The following PLEKHG1 variants were observed in gnomAD, a reference collection of about 807,000 sequenced individuals.
PLEKHG1 encodes the protein pleckstrin homology domain-containing family G member 1.
In PLEKHG1, 44 loss-of-function variants were observed where a neutral mutation model predicts 100.8. The observed-to-expected ratio is 0.44, with a 90% CI of 0.34 to 0.56. The LOEUF (loss-of-function observed/expected upper bound fraction) is 0.56. Ranked by LOEUF, PLEKHG1 falls within the 20% of genes least tolerant of loss-of-function variation. The pLI is 0.01. For synonymous variants in PLEKHG1, 640 were observed against 662.5 expected, an observed-to-expected ratio of 0.97 and a Z score of 0.52; for missense variants, 1,545 against 1,720.9, an observed-to-expected ratio of 0.90 and a Z score of 1.81.
chr6:150,765,364 G>A (rs759491800), intron 2 of PLEKHG1, among the ~76,000 whole-genome samples: 1 of 151,780 alleles, frequency 6.6e-6, no homozygotes, highest in Non-Finnish European at 1.5e-5. Context: ...ATGATGGCAC[G>A]TGCCTGCAAT....
chr6:150,756,224 A>G (rs1783833330), intron 2 of PLEKHG1, among the ~76,000 whole-genome samples: 2 of 152,068 alleles, frequency 1.3e-5, no homozygotes, highest in African/African-American at 4.8e-5. Flanking sequence ...ACATCCCATC[A>G]CTTTGGCCCA....
chr6:150,832,352 C>T, intron 15 of PLEKHG1, 147 bp downstream of exon 16: 2 of 660,924 alleles, frequency 3.0e-6, no homozygotes, highest in East Asian at 5.5e-5. Context: ...CAAAGCCATA[C>T]TGGCCTTTCT....
chr6:150,795,613 TCGG>T (rs1786279893), intron 4 of PLEKHG1, among the ~76,000 whole-genome samples: 2 of 151,364 alleles, frequency 1.3e-5, no homozygotes, highest in African/African-American at 4.9e-5. Context: ...TCCCAGCTAC[TCGG>T]GAGGCTGAGG....
chr6:150,823,333 T>C (rs1299727334), intron 13 of PLEKHG1, among the ~76,000 whole-genome samples: 2 of 152,244 alleles, frequency 1.3e-5, no homozygotes, highest in Admixed American at 6.5e-5. Context: ...GCATGGGGCA[T>C]GTGCAATTTC....
intron 3 of PLEKHG1, among the ~76,000 whole-genome samples, chr6:150,674,674 T>TC (rs1562427732): frequency 4.9e-5 from 7 of 144,186 alleles, no homozygotes; most frequent in Non-Finnish European, 6.1e-5. Flanking sequence ...TCTCTCTCTC[T>TC]CTCTCTCTCC....
At chr6:150,718,469 C>CTT (rs3072740), upstream of PLEKHG1, among the ~76,000 whole-genome samples, 2,800 of 130,650 alleles carry the variant, frequency 0.021, 88 homozygotes, top group African/African-American at 0.058. Context: ...CTTCCCTTTA[C>CTT]TTTTTTTTTT....
In PLEKHG1 at chr6:150,768,567, C is replaced by A. The variant is rs562596733; in HGVS notation, c.412-71C>A. ...TTACTTGAAACAGATATGAAAGATGCACTGGGCATAATTAAAGATGACTTG... is the reference window on the plus strand; with the variant it reads ...TTACTTGAAACAGATATGAAAGATGAACTGGGCATAATTAAAGATGACTTG... On this transcript the variant is annotated intron_variant, in intron 2 of 15. Transcript: ENST00000358517. 12 of 794,774 alleles carry A rather than the reference C, an allele frequency of 1.5e-5. No homozygotes were observed. The East Asian group carries it at 2.8e-4, about 19-fold the overall frequency. 49.2% of individuals were successfully genotyped at this position (794,774 alleles called of 1,614,324 possible). A position where few individuals can be genotyped will look rare whatever the true frequency, so the allele number is the denominator to read the frequency against.
At chr6:150,630,385 G>T (rs1303006848) in intron 1 of PLEKHG1, among the ~76,000 whole-genome samples, 1 of 152,250 alleles carries the variant, frequency 6.6e-6, no homozygotes, top group African/African-American at 2.4e-5. Context: ...GGATCAGGGT[G>T]AAAACTGAAG....
At chr6:150,651,288 G>C (rs1778719096) in intron 3 of PLEKHG1, 1 of 152,246 alleles carries the variant, frequency 6.6e-6, no homozygotes, top group African/African-American at 2.4e-5. Flanking sequence ...CCAGGCTGGA[G>C]TGCAGTGGTG....
At chr6:150,809,807 T>G (rs1787381452) in intron 10 of PLEKHG1, 73 bp downstream of exon 11, 1 of 1,131,986 alleles carries the variant, frequency 8.8e-7, no homozygotes, top group South Asian at 1.4e-5. Flanking sequence ...AGGTGGAGGT[T>G]ACTGTGAGCC....
chr6:150,599,943 C>T (rs1040626305), exon 1 of PLEKHG1: 12 of 200,278 alleles, frequency 6.0e-5, no homozygotes, highest in Non-Finnish European at 1.0e-4. Context: ...CAGCCCGAGC[C>T]GGCGCAGCGC....
At chr6:150,839,352 G>C (rs936382321) in intron 15 of PLEKHG1, among the ~76,000 whole-genome samples, 29 of 152,196 alleles carry the variant, frequency 1.9e-4, no homozygotes, top group African/African-American at 7.0e-4. Context: ...CTGACCTCAA[G>C]TGATCCACCT....
At chr6:150,810,944 A>G (rs1583177599) in intron 10 of PLEKHG1, among the ~76,000 whole-genome samples, 3 of 152,148 alleles carry the variant, frequency 2.0e-5, no homozygotes, top group East Asian at 1.9e-4. Flanking sequence ...AAAGATTCAC[A>G]TGAATTGCAG....
intron 2 of PLEKHG1, among the ~76,000 whole-genome samples, chr6:150,765,745 G>A (rs1165851773): frequency 6.6e-6 from 1 of 152,006 alleles, no homozygotes; most frequent in Admixed American, 6.6e-5. Context: ...CGATTCTTTT[G>A]TAAAATACAA....
chr6:150,658,254 T>C (rs1779045952), intron 3 of PLEKHG1, among the ~76,000 whole-genome samples: 1 of 152,170 alleles, frequency 6.6e-6, no homozygotes, highest in African/African-American at 2.4e-5. Flanking sequence ...GTTACATCTG[T>C]GATAAAAACT....
At chr6:150,723,699 A>C (rs1430933591) in intron 1 of PLEKHG1, among the ~76,000 whole-genome samples, 1 of 152,204 alleles carries the variant, frequency 6.6e-6, no homozygotes, top group African/African-American at 2.4e-5. Context: ...CAGCTGTATC[A>C]TAATAAGGCT....
chr6:150,628,452 A>G (rs565386769), intron 1 of PLEKHG1, among the ~76,000 whole-genome samples: 4 of 151,190 alleles, frequency 2.6e-5, no homozygotes, highest in African/African-American at 9.7e-5. Context: ...GTTTCTCTTT[A>G]GATTCCTTTG....
intron 3 of PLEKHG1, among the ~76,000 whole-genome samples, chr6:150,695,105 G>GT (rs1218089708): frequency 6.6e-6 from 1 of 152,170 alleles, no homozygotes; most frequent in Non-Finnish European, 1.5e-5. Context: ...TGTGAACCCT[G>GT]TTTTTTCAAA....
rs969989748 is a variant in PLEKHG1 at position 150,831,828 on chromosome 6, G to A, written c.2717G>A (p.Arg906Lys). 2.5e-6 allele frequency: 4 copies of A among 1,612,278 alleles called. No homozygotes were observed. The highest frequency in any genetic ancestry group is 4.5e-5 in the East Asian group (2 of 44,826). Reference sequence around the variant, plus strand: ...GCTCTCCTCACGCCCGTGAAGAGCAGGGCTGGCAGAGCCAGCCGCGCCAAC... The same window carrying A: ...GCTCTCCTCACGCCCGTGAAGAGCAAGGCTGGCAGAGCCAGCCGCGCCAAC... The change falls in exon 15 of 16, where the codon AGG becomes AAG. Residue 906 changes from arginine to lysine, a missense_variant. Physicochemically the swap from Arg to Lys is conservative, Grantham distance 26 (BLOSUM62 2). Transcript: ENST00000358517. The surrounding 1 kb of genome is among the most constrained non-coding windows in gnomAD (Gnocchi z 4.1).
Sources: gnomAD v4.1 joint callset for allele counts (sites outside exome capture counted in the v4.1 genomes callset) on GRCh38, gnomAD v4.1.1 for gene constraint, Gnocchi (gnomAD v3.1) non-coding constraint, MANE v1.5 for transcripts, NCBI Gene and HGNC (gene_info 2026-07-23, HGNC 2026-07-21) for gene names.